Variants in NUP160 observed in about 807,000 individuals in gnomAD.
NUP160 encodes the protein nucleoporin 160, also known as nuclear pore complex protein Nup160.
Under a neutral mutation model 196.9 loss-of-function variants are expected in NUP160, and 94 were observed. The observed-to-expected ratio is 0.48, with a 90% CI of 0.40 to 0.57. The LOEUF is 0.57. Among genes scored for constraint, NUP160 ranks in the 20% least tolerant of loss-of-function variants. The probability of loss-of-function intolerance (pLI) is 0.00; values close to 1 mark genes in which losing one functional copy is unlikely to be tolerated. For synonymous variants in NUP160, 605 were observed against 619.7 expected (o/e 0.98, Z 0.35); for missense variants, 1,638 against 1,748.3 (o/e 0.94, Z 1.13).
At chr11:47,824,106 T>C (rs1851921887) in intron 7 of NUP160, among the ~76,000 whole-genome samples, 1 of 148,104 alleles carries the variant, frequency 6.8e-6, no homozygotes, top group African/African-American at 2.5e-5. Flanking sequence ...CTATGTTTAA[T>C]TTTTTGAGGA....
chr11:47,783,300 A>C, intron 33 of NUP160, 102 bp from the exon 34 acceptor site: 6 of 1,408,462 alleles, frequency 4.3e-6, no homozygotes, highest in South Asian at 1.4e-5. Context: ...TGTATTTCTC[A>C]ATATAATTAA....
intron 14 of NUP160, 41 bp from the exon 15 acceptor site, chr11:47,813,088 T>C (rs2097682090): frequency 7.2e-7 from 1 of 1,380,034 alleles, no homozygotes; most frequent in Non-Finnish European, 1.0e-6. Context: ...CTTAAGCCAA[T>C]GACAATCTAT....
intron 18 of NUP160, 145 bp downstream of exon 18, chr11:47,808,251 G>A (rs117212421): frequency 0.043 from 28,502 of 669,904 alleles, 725 homozygotes; most frequent in Middle Eastern, 0.06. Context: ...ATTGCACTCC[G>A]GCCTGGGTGA....
In NUP160 at chr11:47,837,705, T is replaced by C. The variant is rs1220100768; in HGVS notation, c.749-82A>G. ...ATGATGTAACCATGAACAAGGTCTT[T>C]ATAATAGGCAACAGACTTCCGTATT... On this transcript the variant is annotated intron_variant, in intron 4 of 35. Transcript: ENST00000378460. 4 of 1,020,190 alleles carry C rather than the reference T, an allele frequency of 3.9e-6. No individual in the cohort carries two copies. In the African/African-American group the frequency reaches 4.7e-5, roughly 12 times the overall value. The allele number at this position is 1,020,190 out of a possible 1,614,324, so 63.2% of individuals were successfully genotyped here. A position where few individuals can be genotyped will look rare whatever the true frequency, so the allele number is the denominator to read the frequency against.
intron 16 of NUP160, 24 bp from the exon 17 acceptor site, chr11:47,812,248 T>C (rs1274548620): frequency 6.2e-7 from 1 of 1,613,554 alleles, no homozygotes; most frequent in Non-Finnish European, 8.5e-7. Context: ...AAAAATGGAG[T>C]TGAATGCATC....
chr11:47,789,867 T>C (rs1250814667), intron 29 of NUP160, among the ~76,000 whole-genome samples: 1 of 151,860 alleles, frequency 6.6e-6, no homozygotes, highest in African/African-American at 2.4e-5. Flanking sequence ...TAGCTACTAA[T>C]AGCCTACTAC....
intron 22 of NUP160, among the ~76,000 whole-genome samples, chr11:47,803,110 C>G (rs948084986): frequency 6.7e-6 from 1 of 150,178 alleles, no homozygotes; most frequent in Non-Finnish European, 1.5e-5. Context: ...TTGAGTCCAG[C>G]CTGTGCAACA....
At chr11:47,779,874 C>T (rs1476088166) in intron 35 of NUP160, among the ~76,000 whole-genome samples, 1 of 152,066 alleles carries the variant, frequency 6.6e-6, no homozygotes, top group Non-Finnish European at 1.5e-5. Context: ...ATTACAGGTG[C>T]CCGCCACCAT....
rs190661926 is a variant in NUP160 at position 47,803,043 on chromosome 11, C to T, written c.2775+395G>A. Among the ~76,000 whole-genome samples the T allele has an allele frequency of 5.3e-5, 8 of 151,488 alleles. No individual in the cohort carries two copies. In the East Asian group the frequency reaches 7.7e-4, roughly 15 times the overall value. ...TTTATAAAAATGTATCCTGGCCAAA[C>T]GCGGTGGCTTATGCCTGTAATCCCA... On this transcript the variant is annotated intron_variant, in intron 22 of 35. Coordinates refer to ENST00000378460, the Ensembl canonical transcript of NUP160.
At chr11:47,816,470 A>G (rs1270239934) in intron 11 of NUP160, among the ~76,000 whole-genome samples, 1 of 152,214 alleles carries the variant, frequency 6.6e-6, no homozygotes, top group Non-Finnish European at 1.5e-5. Context: ...GAAGCTAAGT[A>G]GTAATTTAAA....
At chr11:47,832,223 C>T (rs569860053) in intron 7 of NUP160, among the ~76,000 whole-genome samples, 1 of 152,198 alleles carries the variant, frequency 6.6e-6, no homozygotes, top group Admixed American at 6.5e-5. Context: ...TGTCTTTAAT[C>T]TCCAAACTGC....
chr11:47,833,128 G>A (rs1281332651), intron 7 of NUP160, among the ~76,000 whole-genome samples: 1 of 152,146 alleles, frequency 6.6e-6, no homozygotes, highest in Non-Finnish European at 1.5e-5. Context: ...CTTTAAATGG[G>A]TGAGTGAATT....
rs746633037 is a variant in NUP160 at position 47,815,664 on chromosome 11, A to G, written c.1516-15T>C. 29 of 1,564,468 alleles carry G rather than the reference A, an allele frequency of 1.9e-5. No homozygotes were observed. Among genetic ancestry groups the G allele is most frequent in the Non-Finnish European group, 2.5e-5 (29 of 1,160,276 alleles). ...CTTCCTTGAAGCTGGCAAAGAAGAA[A>G]TGAAAGAAATTAAACTTTTGATGCC... On this transcript the variant is annotated splice_polypyrimidine_tract_variant and intron_variant, in intron 12 of 35. Coordinates refer to ENST00000378460, the Ensembl canonical transcript of NUP160.
chr11:47,794,972 G>T (rs1314300219), intron 27 of NUP160, among the ~76,000 whole-genome samples: 1 of 151,648 alleles, frequency 6.6e-6, no homozygotes, highest in Non-Finnish European at 1.5e-5. Context: ...ATGGTGGTAG[G>T]TGCCTGTAAT....
rs1162989083 is a variant in NUP160 at position 47,821,789 on chromosome 11, C to T, written c.1212G>A (p.Thr404=). 8 of 1,613,752 alleles carry T rather than the reference C, an allele frequency of 5.0e-6. No individual in the cohort carries two copies. Among genetic ancestry groups the T allele is most frequent in the African/African-American group, 1.3e-5 (1 of 74,804 alleles). Residue 404 remains threonine, a synonymous_variant, in exon 9 of 36, where the codon ACG becomes ACA. Coordinates refer to ENST00000378460, the Ensembl canonical transcript of NUP160. ...CATCATGCCACAGGGCCCAGATATC[C>T]GTGGAAGTTAAGGCAAAGTCAATCA...
rs537347350 is a variant in NUP160, at chr11:47,812,204, T to C, written c.2101A>G (p.Met701Val). Residue 701 changes from methionine (M) to valine (V), a missense_variant, in exon 17 of 36, where the codon ATG (methionine) becomes GTG (valine). Physicochemically the swap from Met to Val is conservative, Grantham distance 21. This residue lies in a region of NUP160 where 1,345 missense variants were observed against 1,470.2 expected (regional missense o/e 0.91). Coordinates refer to ENST00000378460, the Ensembl canonical transcript of NUP160. ...CTACCATAGAGCTGGGTAAGATTCA[T>C]TCGAATATTCAAAGGCTGAGCTGTA... 4 of 1,614,152 alleles carry C rather than the reference T, an allele frequency of 2.5e-6. No individual in the cohort carries two copies. In the Admixed American group the frequency reaches 6.7e-5, roughly 27 times the overall value.
At chr11:47,830,595 A>G (rs1421258123) in intron 7 of NUP160, among the ~76,000 whole-genome samples, 1 of 152,214 alleles carries the variant, frequency 6.6e-6, no homozygotes, top group Admixed American at 6.5e-5. Context: ...CCTCAGCAAA[A>G]TAATGCAGGA....
At chr11:47,809,256 C>CAA (rs35748617) in intron 17 of NUP160, among the ~76,000 whole-genome samples, 2,387 of 94,040 alleles carry the variant, frequency 0.025, 104 homozygotes, top group African/African-American at 0.066. Flanking sequence ...GAACTTGTCT[C>CAA]AAAAAAAAAA....
At chr11:47,836,349 G>C (rs1460525900) in intron 6 of NUP160, among the ~76,000 whole-genome samples, 3 of 152,168 alleles carry the variant, frequency 2.0e-5, no homozygotes, top group Non-Finnish European at 4.4e-5. Context: ...GTATTTTTTA[G>C]ATGAATCTTG....
Sources: gnomAD v4.1 joint callset for allele counts (sites outside exome capture counted in the v4.1 genomes callset) on GRCh38, gnomAD v4.1.1 for gene constraint, gnomAD v4.1.1 regional missense constraint, MANE v1.5 for transcripts, NCBI Gene and HGNC (gene_info 2026-07-23, HGNC 2026-07-21) for gene names.